Variants in ERC1 observed in about 807,000 individuals in gnomAD.
The protein encoded by ERC1 is RAB6 interacting protein 2.
In ERC1, 56 loss-of-function variants were observed where a neutral mutation model predicts 132.0. The ratio of observed to expected loss-of-function variants is 0.42; its 90% CI spans 0.34 to 0.53. ERC1 has a LOEUF of 0.53. ERC1 is among the 20% of genes least tolerant of loss of function. The pLI is 0.03. For missense variants in ERC1, 1,202 were observed against 1,349.9 expected (o/e 0.89, Z 1.72); for synonymous variants, 478 against 476.1 (o/e 1.00, Z -0.05).
chr12:1,211,855 C>A (rs1348064709), intron 12 of ERC1, among the ~76,000 whole-genome samples: 2 of 152,040 alleles, frequency 1.3e-5, no homozygotes, highest in Admixed American at 6.6e-5. Context: ...CAGGTGTGAG[C>A]CTCTGTGTCC....
chr12:1,176,451 C>T (rs1348506191), intron 8 of ERC1, among the ~76,000 whole-genome samples: 1 of 152,128 alleles, frequency 6.6e-6, no homozygotes, highest in Non-Finnish European at 1.5e-5. Context: ...ACCATAATTC[C>T]ACAGGCCCTA....
At chr12:1,470,144 A>T (rs549649657) in intron 18 of ERC1, among the ~76,000 whole-genome samples, 4 of 151,592 alleles carry the variant, frequency 2.6e-5, no homozygotes, top group African/African-American at 9.7e-5. Flanking sequence ...ATCCAGCAAG[A>T]TCCATAGCTC....
At chr12:1,349,994 G>A (rs1461979918) in intron 15 of ERC1, among the ~76,000 whole-genome samples, 1 of 152,216 alleles carries the variant, frequency 6.6e-6, no homozygotes. Context: ...TTATTGAGGA[G>A]GGAAACCAGG....
rs1455904341 is a variant in ERC1 at position 1,178,981 on chromosome 12, G to A, written c.1738-1559G>A. 4.6e-5 allele frequency among the ~76,000 whole-genome samples: 7 copies of A among 152,304 alleles called. No homozygotes were observed. The South Asian group carries it at 1.5e-3, about 32-fold the overall frequency. On this transcript the variant is annotated intron_variant, in intron 8 of 18. Coordinates refer to ENST00000360905, the MANE Select transcript of ERC1 (RefSeq NM_178040.4). ...TATAGTGAATGAATAAACTTTGTGA[G>A]TAGTTGGTTTATTTATAATTTTCCT...
rs771102189 is a variant in ERC1 at position 1,493,531 on chromosome 12, T to TAAAAAAAAAAAA, written c.*3308_*3319dup. ...CAGCCTGGGTGACAGAGACTCCATTTAAAAAAAAAAAAAAAAAATATATAT... is the reference window on the plus strand; with the variant it reads ...CAGCCTGGGTGACAGAGACTCCATTTAAAAAAAAAAAAAAAAAAAAAAAAAAAAAATATATAT... On this transcript the variant is annotated 3_prime_UTR_variant, in exon 19 of 19. Transcript: ENST00000360905. 6 of 42,382 alleles carry TAAAAAAAAAAAA rather than the reference T, an allele frequency of 1.4e-4. No individual in the cohort carries two copies. Among genetic ancestry groups the TAAAAAAAAAAAA allele is most frequent in the African/African-American group, 5.4e-4 (6 of 11,212 alleles). The allele number at this position is 42,382 out of a possible 1,614,324, so 2.6% of individuals were successfully genotyped here.
intron 15 of ERC1, among the ~76,000 whole-genome samples, chr12:1,337,943 C>G (rs1566622244): frequency 6.6e-6 from 1 of 152,196 alleles, no homozygotes. Context: ...GGTGACCTTA[C>G]CTTACCCTCT....
At chr12:1,285,218 C>A (rs745782381) in intron 14 of ERC1, among the ~76,000 whole-genome samples, 20 of 152,140 alleles carry the variant, frequency 1.3e-4, no homozygotes, top group Non-Finnish European at 2.4e-4. Flanking sequence ...GTAAGAAATT[C>A]TCAGGTCAGG....
chr12:1,261,568 C>T (rs951722349), intron 13 of ERC1, among the ~76,000 whole-genome samples: 1 of 152,172 alleles, frequency 6.6e-6, no homozygotes, highest in African/African-American at 2.4e-5. Context: ...CGTTCCTTGT[C>T]TCTGCGCGCG....
chr12:1,093,723 G>T (rs1943548233), intron 3 of ERC1, among the ~76,000 whole-genome samples: 1 of 151,402 alleles, frequency 6.6e-6, no homozygotes, highest in Non-Finnish European at 1.5e-5. Flanking sequence ...AAATCTTTGA[G>T]GTTAAAAGTG....
At chr12:1,413,365 A>G (rs1196188715) in intron 17 of ERC1, among the ~76,000 whole-genome samples, 2 of 152,114 alleles carry the variant, frequency 1.3e-5, no homozygotes, top group African/African-American at 4.8e-5. Flanking sequence ...AGGCCGAGGC[A>G]GGCAGATTGG....
chr12:1,146,765 C>T (rs962745070), intron 8 of ERC1, among the ~76,000 whole-genome samples: 1 of 125,534 alleles, frequency 8.0e-6, no homozygotes, highest in Admixed American at 7.3e-5. Context: ...CTAATGCTAT[C>T]CCTCCCCCAA....
chr12:1,202,773 A>AT (rs908409991), intron 12 of ERC1, among the ~76,000 whole-genome samples: 1 of 152,174 alleles, frequency 6.6e-6, no homozygotes, highest in African/African-American at 2.4e-5. Context: ...AATGCATTCC[A>AT]TTTTTTCCCA....
Position 1,028,421 on chromosome 12 carries a change from A to C in ERC1, c.518A>C (p.Glu173Ala). Residue 173 changes from glutamate to alanine, a missense_variant, in exon 2 of 19, where the codon GAA (glutamate) becomes GCA (alanine). By Grantham distance (107) the Glu-to-Ala change is moderately radical. Coordinates refer to ENST00000360905, the MANE Select transcript of ERC1 (RefSeq NM_178040.4). ...AATGATCTCTTGCGGAAGGATGTGG[A>C]AGTAAAGGAGAGCAAATTGAGTTCT... Reference protein sequence around the residue: ...RENDLLRKDVEVKESKLSSSM... With the variant: ...RENDLLRKDVAVKESKLSSSM... 1 of 1,614,162 alleles carries C rather than the reference A, an allele frequency of 6.2e-7. No homozygotes were observed. The highest frequency in any genetic ancestry group is 1.1e-5 in the South Asian group (1 of 91,080).
intron 1 of ERC1, among the ~76,000 whole-genome samples, chr12:994,338 A>AT (rs1555187810): frequency 2.0e-5 from 3 of 151,924 alleles, no homozygotes; most frequent in Non-Finnish European, 2.9e-5. Context: ...TTTCTTATTT[A>AT]TTTTTTGTGT....
Position 999,388 on chromosome 12 carries a change from T to G in ERC1, c.-157+8066T>G, listed in dbSNP as rs1961680621. Among the ~76,000 whole-genome samples the G allele has an allele frequency of 2.0e-5, 3 of 152,146 alleles. No individual in the cohort carries two copies. In the South Asian group the frequency reaches 6.2e-4, roughly 31 times the overall value. ...ACACATCCAGAACGGAATGTATGAT[T>G]CCTACACTTCCTCTGGTGTTTCTTA... is the stretch of plus-strand genomic sequence containing the variant. On this transcript the variant is annotated intron_variant, in intron 1 of 18. Coordinates refer to ENST00000360905, the MANE Select transcript of ERC1 (RefSeq NM_178040.4).
intron 17 of ERC1, among the ~76,000 whole-genome samples, chr12:1,427,210 G>A (rs1254845714): frequency 6.6e-6 from 1 of 152,112 alleles, no homozygotes; most frequent in Non-Finnish European, 1.5e-5. Flanking sequence ...GATTTATAAT[G>A]TGTGCTCTCT....
At position 1,490,077 on chromosome 12, in the gene ERC1, C is replaced by G. The variant is rs748303579; in HGVS notation, c.3214-16C>G. The G allele has an allele frequency of 1.3e-5, 21 of 1,612,814 alleles. No homozygotes were observed. Among genetic ancestry groups the G allele is most frequent in the Non-Finnish European group, 1.8e-5 (21 of 1,178,890 alleles). ...GGATTGTTGTATCTGAAATCCATCTCTCCTTTCCCTTTCAGCTTCAGGATG... is the reference window on the plus strand; with the variant it reads ...GGATTGTTGTATCTGAAATCCATCTGTCCTTTCCCTTTCAGCTTCAGGATG... On this transcript the variant is annotated splice_polypyrimidine_tract_variant and intron_variant, in intron 18 of 18. Transcript: ENST00000360905.
intron 17 of ERC1, among the ~76,000 whole-genome samples, chr12:1,440,501 C>A (rs113620023): frequency 2.1e-5 from 3 of 140,876 alleles, no homozygotes; most frequent in Middle Eastern, 3.7e-3. Context: ...CCACCGCGCC[C>A]GGCCTTTTTT....
chr12:1,093,825 T>C (rs893711927), intron 3 of ERC1, among the ~76,000 whole-genome samples: 6 of 150,144 alleles, frequency 4.0e-5, no homozygotes, highest in African/African-American at 9.7e-5. Context: ...TACTGGCAGA[T>C]AGAAGGTATA....
Sources: allele counts gnomAD v4.1 joint callset (sites outside exome capture counted in the v4.1 genomes callset), GRCh38; gene constraint gnomAD v4.1.1; transcripts MANE v1.5; gene names NCBI Gene and HGNC (gene_info 2026-07-23, HGNC 2026-07-21).